Variants in UPK1A observed in about 807,000 individuals in gnomAD.
UPK1A encodes uroplakin-1a.
A neutral mutation model predicts 32.3 loss-of-function variants in UPK1A; 31 were observed. The observed-to-expected ratio is 0.96, with a 90% CI of 0.72 to 1.30. The LOEUF (loss-of-function observed/expected upper bound fraction) is 1.30. Among genes scored for constraint, UPK1A ranks in the 50% most tolerant of loss-of-function variants. UPK1A has a pLI of 0.00. For synonymous variants in UPK1A, 135 were observed against 137.1 expected, an observed-to-expected ratio of 0.98 and a Z score of 0.11; for missense variants, 340 against 357.4, an observed-to-expected ratio of 0.95 and a Z score of 0.39.
exon 2 of UPK1A, chr19:35,666,856 T>C: frequency 4.3e-6 from 7 of 1,613,910 alleles, no homozygotes; most frequent in Non-Finnish European, 5.9e-6. Flanking sequence ...GGATCTCCAG[T>C]TGTGGTGGGC....
At chr19:35,668,492 G>T in exon 3 of UPK1A, 1 of 1,614,202 alleles carries the variant, frequency 6.2e-7, no homozygotes, top group Non-Finnish European at 8.5e-7. Context: ...CCATATGGGT[G>T]ACAGCCGACC....
intron 5 of UPK1A, among the ~76,000 whole-genome samples, chr19:35,674,645 G>T (rs1968155251): frequency 6.6e-6 from 1 of 151,974 alleles, no homozygotes; most frequent in Non-Finnish European, 1.5e-5. Flanking sequence ...CTTGCATGAG[G>T]TCACACACCT....
intron 6 of UPK1A, chr19:35,676,362 G>A: frequency 2.5e-6 from 1 of 396,406 alleles, no homozygotes; most frequent in Non-Finnish European, 4.8e-6. Flanking sequence ...GCTAGTTTTT[G>A]TATTTTTAGC....
chr19:35,673,206 G>T (rs75289222), intron 3 of UPK1A, 26 bp from the exon 4 acceptor site: 152,538 of 1,612,060 alleles, frequency 0.095, 7,858 homozygotes, highest in Admixed American at 0.11. Flanking sequence ...TCTGCCCGAC[G>T]GGCCGTCCTC....
rs377223396 is a variant in UPK1A, at chr19:35,677,959, G to A, written c.733-16G>A. 114 of 1,593,170 alleles carry A rather than the reference G, an allele frequency of 7.2e-5. 1 individual carries two copies. The African/African-American group carries it at 8.2e-4, about 11-fold the overall frequency. ...GTGGGGGGCGGAGTGCCCTCATCTC[G>A]CTGCCTCCTCGCCAGCTCCCGGTCA... On this transcript the variant is annotated splice_polypyrimidine_tract_variant and intron_variant, in intron 7 of 7. Coordinates refer to ENST00000617999, the Ensembl canonical transcript of UPK1A.
intron 6 of UPK1A, chr19:35,676,308 A>G (rs1599633410): frequency 3.6e-6 from 2 of 559,986 alleles, no homozygotes; most frequent in Non-Finnish European, 6.5e-6. Flanking sequence ...CTCCCACCTC[A>G]GCTTCCAGAG....
rs1182387569 is a variant in UPK1A at position 35,673,376 on chromosome 19, C to A, written c.361-62C>A. ...GGGCGAGGGTCCCGGCGCGGCGGGGCGGAGGTCGTCCTCTCTCCCCACCCA... is the reference window on the plus strand; with the variant it reads ...GGGCGAGGGTCCCGGCGCGGCGGGGAGGAGGTCGTCCTCTCTCCCCACCCA... On this transcript the variant is annotated intron_variant, in intron 4 of 7. Transcript: ENST00000617999. 5 of 1,609,716 alleles carry A rather than the reference C, an allele frequency of 3.1e-6. No homozygotes were observed. The African/African-American group carries it at 6.7e-5, about 22-fold the overall frequency.
chr19:35,667,666 G>C (rs1968020014), intron 2 of UPK1A, among the ~76,000 whole-genome samples: 1 of 151,316 alleles, frequency 6.6e-6, no homozygotes, highest in African/African-American at 2.4e-5. Context: ...GCTACTTTTT[G>C]TATTTTTAGA....
chr19:35,676,083 C>G (rs184689031), intron 6 of UPK1A, 64 bp downstream of exon 6: 11 of 1,512,866 alleles, frequency 7.3e-6, no homozygotes, highest in Admixed American at 4.0e-5. Context: ...GTCTCTGCTC[C>G]CTCTCTGATT....
At chr19:35,678,219 T>G in exon 8 of UPK1A, 1 of 598,518 alleles carries the variant, frequency 1.7e-6, no homozygotes, top group Non-Finnish European at 2.8e-6. Flanking sequence ...AGGGCTTGTG[T>G]GCACATATCC....
rs10413518 is a variant in UPK1A at position 35,668,468 on chromosome 19, C to T, written c.99C>T (p.Ser33=). Residue 33 remains serine (S), a synonymous_variant, in exon 3 of 8, where the codon TCC becomes TCT. Transcript: ENST00000617999. ...GCTCTGTCCAGCTGTCAGGCCTGTC[C>T]CTGTTTGCTGAGACCATATGGGTGA... 6,788 of 1,614,116 alleles carry T rather than the reference C, an allele frequency of 4.2e-3. 243 individuals are homozygous for T. The African/African-American group carries it at 0.077, about 18-fold the overall frequency.
At chr19:35,671,441 A>C (rs1599630574) in intron 3 of UPK1A, among the ~76,000 whole-genome samples, 1 of 134,694 alleles carries the variant, frequency 7.4e-6, no homozygotes, top group African/African-American at 2.9e-5. Flanking sequence ...TAACTAAGAC[A>C]TTTTCTCCCC....
At chr19:35,666,585 GGCTC>G (rs1968000214) in intron 1 of UPK1A, 47 bp downstream of exon 1, 1 of 552,630 alleles carries the variant, frequency 1.8e-6, no homozygotes, top group African/African-American at 1.9e-5. Flanking sequence ...AGGGGTCTGA[GGCTC>G]AGGGAGGGGC....
chr19:35,674,241 CTTTT>C (rs35857173), intron 5 of UPK1A, among the ~76,000 whole-genome samples: 1 of 98,978 alleles, frequency 1.0e-5, no homozygotes, highest in Non-Finnish European at 2.0e-5. Flanking sequence ...TTCTTTTTAT[CTTTT>C]TTTTTTTTTT....
chr19:35,667,783 C>T (rs1004063349), intron 2 of UPK1A, among the ~76,000 whole-genome samples: 3 of 151,654 alleles, frequency 2.0e-5, no homozygotes, highest in African/African-American at 4.8e-5. Context: ...TGTAAGCCAC[C>T]GCGACTGGCC....
At chr19:35,678,207 C>G in exon 8 of UPK1A, 1 of 676,462 alleles carries the variant, frequency 1.5e-6, no homozygotes, top group Admixed American at 3.0e-5. Flanking sequence ...CCCTGAAACC[C>G]CAGGGCTTGT....
chr19:35,671,266 A>C (rs1490968604), intron 3 of UPK1A, among the ~76,000 whole-genome samples: 4 of 149,690 alleles, frequency 2.7e-5, no homozygotes, highest in African/African-American at 9.8e-5. Context: ...GGGCGCCTGT[A>C]GTCCCAGCTA....
intron 3 of UPK1A, 76 bp from the exon 4 acceptor site, chr19:35,673,156 C>T (rs1968127202): frequency 1.3e-6 from 2 of 1,493,466 alleles, no homozygotes; most frequent in Non-Finnish European, 1.9e-6. Context: ...ACTTGCATTT[C>T]CCCAGTGATG....
At chr19:35,673,618 C>A in intron 5 of UPK1A, 73 bp downstream of exon 5, 3 of 1,384,542 alleles carry the variant, frequency 2.2e-6, no homozygotes, top group South Asian at 1.2e-5. Context: ...TCCCGATGTG[C>A]CAGCTTTTAG....
Sources: gnomAD v4.1 joint callset for allele counts (sites outside exome capture counted in the v4.1 genomes callset) on GRCh38, gnomAD v4.1.1 for gene constraint, MANE v1.5 for transcripts, NCBI Gene and HGNC (gene_info 2026-07-23, HGNC 2026-07-21) for gene names.